CNTN5: variants seen among roughly 807,000 people sequenced by gnomAD.
The protein encoded by CNTN5 is contactin-5.
A neutral mutation model predicts 129.1 loss-of-function variants in CNTN5; 77 were observed. The observed-to-expected ratio is 0.60, with a 90% CI of 0.50 to 0.72. The LOEUF is 0.72. CNTN5 is among the 30% of genes least tolerant of loss of function. CNTN5 has a pLI of 0.00. For synonymous variants in CNTN5, 509 were observed against 465.6 expected (o/e 1.09, Z -1.20); for missense variants, 1,478 against 1,328.8 (o/e 1.11, Z -1.75).
intron 3 of CNTN5, among the ~76,000 whole-genome samples, chr11:99,652,580 A>G (rs1952198579): frequency 6.6e-6 from 1 of 152,042 alleles, no homozygotes; most frequent in African/African-American, 2.4e-5. Context: ...CACTATCCCA[A>G]TTATAAATTT....
intron 13 of CNTN5, among the ~76,000 whole-genome samples, chr11:100,147,968 T>TTTAAA (rs1421610081): frequency 1.3e-5 from 2 of 152,166 alleles, no homozygotes; most frequent in African/African-American, 4.8e-5. Context: ...TTAAAAATAT[T>TTTAAA]TTAAATTAAT....
intron 2 of CNTN5, among the ~76,000 whole-genome samples, chr11:99,499,273 C>T (rs79747089): frequency 0.042 from 6,448 of 151,982 alleles, 177 homozygotes; most frequent in South Asian, 0.085. Context: ...TGAATGTGTC[C>T]CCTCCAAAAT....
intron 4 of CNTN5, among the ~76,000 whole-genome samples, chr11:99,830,774 C>G (rs772763512): frequency 5.9e-5 from 9 of 152,088 alleles, no homozygotes; most frequent in Non-Finnish European, 1.3e-4. Context: ...TTATTTTATA[C>G]TTAAATGCTT....
At chr11:99,670,665 G>T (rs1015111545) in intron 3 of CNTN5, among the ~76,000 whole-genome samples, 2 of 152,156 alleles carry the variant, frequency 1.3e-5, no homozygotes, top group South Asian at 4.1e-4. Flanking sequence ...GAGTAGAGGA[G>T]ATCCCACAAA....
rs553760174 is a variant in CNTN5 at position 99,238,046 on chromosome 11, C to T, written c.-209-87300C>T. Among the ~76,000 whole-genome samples, 3 of 152,146 alleles carry T rather than the reference C, an allele frequency of 2.0e-5. No homozygotes were observed. The South Asian group carries it at 6.2e-4, about 32-fold the overall frequency. ...GCAAATTCTTTGTAACATATTTTTC[C>T]TGTAAGTTGAATATAATGTCCTCTA... On this transcript the variant is annotated intron_variant, in intron 1 of 24. Transcript: ENST00000524871.
At chr11:100,267,780 C>T (rs1195945263) in intron 17 of CNTN5, among the ~76,000 whole-genome samples, 1 of 152,002 alleles carries the variant, frequency 6.6e-6, no homozygotes, top group African/African-American at 2.4e-5. Flanking sequence ...GATTGCTTTT[C>T]TAAGTCTTAT....
chr11:99,219,967 T>C (rs188172748), intron 1 of CNTN5, among the ~76,000 whole-genome samples: 115 of 152,156 alleles, frequency 7.6e-4, no homozygotes, highest in African/African-American at 2.5e-3. Flanking sequence ...AGACTGGGTC[T>C]AAAACTTTGG....
intron 1 of CNTN5, among the ~76,000 whole-genome samples, chr11:99,149,222 T>A (rs1049457083): frequency 5.3e-5 from 8 of 151,992 alleles, no homozygotes; most frequent in African/African-American, 1.7e-4. Context: ...GTGTGTGGGG[T>A]TACAAATCTT....
chr11:99,271,292 C>A (rs1202848539), intron 1 of CNTN5, among the ~76,000 whole-genome samples: 2 of 151,744 alleles, frequency 1.3e-5, no homozygotes, highest in East Asian at 3.9e-4. Flanking sequence ...GAAAAACACG[C>A]ACGGTAATTA....
chr11:99,529,100 C>T (rs1331819166), intron 2 of CNTN5, among the ~76,000 whole-genome samples: 1 of 151,604 alleles, frequency 6.6e-6, no homozygotes, highest in African/African-American at 2.4e-5. Context: ...CAAACAAAAC[C>T]ACAAAAAAGA....
chr11:99,663,737 C>T (rs571199339), intron 3 of CNTN5, among the ~76,000 whole-genome samples: 14 of 152,238 alleles, frequency 9.2e-5, no homozygotes, highest in East Asian at 7.8e-4. Context: ...CCGTGTAAGA[C>T]GTGCCTGCTT....
At chr11:99,786,756 A>G (rs1374394295) in intron 3 of CNTN5, among the ~76,000 whole-genome samples, 5 of 152,218 alleles carry the variant, frequency 3.3e-5, no homozygotes, top group African/African-American at 1.2e-4. Flanking sequence ...AAATGGAGAA[A>G]GGATTCCCTA....
intron 2 of CNTN5, among the ~76,000 whole-genome samples, chr11:99,523,908 C>T (rs1947386534): frequency 6.6e-6 from 1 of 152,074 alleles, no homozygotes; most frequent in Non-Finnish European, 1.5e-5. Flanking sequence ...TGAGTACAAG[C>T]AGTCATTAAT....
At chr11:99,586,883 C>T (rs1459180864) in intron 3 of CNTN5, among the ~76,000 whole-genome samples, 1 of 152,158 alleles carries the variant, frequency 6.6e-6, no homozygotes, top group African/African-American at 2.4e-5. Context: ...TAACTCAGGG[C>T]ACCATAAAGT....
chr11:100,093,221 G>A (rs78114744), intron 13 of CNTN5, among the ~76,000 whole-genome samples: 93 of 152,112 alleles, frequency 6.1e-4, no homozygotes, highest in African/African-American at 2.1e-3. Flanking sequence ...GTTTTCTCTC[G>A]GGTGTTCTCT....
intron 1 of CNTN5, among the ~76,000 whole-genome samples, chr11:99,203,144 A>C (rs778976066): frequency 6.6e-6 from 1 of 152,136 alleles, no homozygotes; most frequent in African/African-American, 2.4e-5. Context: ...AAATATTCAT[A>C]ATAAGAATAA....
intron 1 of CNTN5, among the ~76,000 whole-genome samples, chr11:99,035,352 C>G (rs1863658910): frequency 6.6e-6 from 1 of 151,976 alleles, no homozygotes; most frequent in Non-Finnish European, 1.5e-5. Context: ...GTTGATCTGT[C>G]TAATGCTGAC....
intron 18 of CNTN5, among the ~76,000 whole-genome samples, chr11:100,287,847 T>C (rs1488083982): frequency 6.6e-6 from 1 of 152,198 alleles, no homozygotes; most frequent in Non-Finnish European, 1.5e-5. Context: ...ATCAGTGTGC[T>C]ATATTCAGGA....
At chr11:99,475,636 T>C (rs1429483589) in intron 2 of CNTN5, among the ~76,000 whole-genome samples, 1 of 152,124 alleles carries the variant, frequency 6.6e-6, no homozygotes, top group African/African-American at 2.4e-5. Flanking sequence ...ATAAACCTTG[T>C]CTTTTTTAAG....
Sources: allele counts gnomAD v4.1 joint callset (sites outside exome capture counted in the v4.1 genomes callset), GRCh38; gene constraint gnomAD v4.1.1; transcripts MANE v1.5; gene names NCBI Gene and HGNC (gene_info 2026-07-23, HGNC 2026-07-21).